The following SHE variants were observed in gnomAD, a reference collection of about 807,000 sequenced individuals.
SHE encodes SH2 domain-containing adapter protein E.
Under a neutral mutation model 49.8 loss-of-function variants are expected in SHE, and 11 were observed. That is an observed-to-expected ratio of 0.22 (90% CI 0.14 to 0.37). SHE has a LOEUF of 0.37. Ranked by LOEUF, SHE falls within the 10% of genes least tolerant of loss-of-function variation. SHE has a pLI of 1.00. For missense variants in SHE, 624 were observed against 655.5 expected, an observed-to-expected ratio of 0.95 and a Z score of 0.52; for synonymous variants, 310 against 278.1, an observed-to-expected ratio of 1.11 and a Z score of -1.14.
At chr1:154,488,249 C>T (rs1464357436) in intron 3 of SHE, among the ~76,000 whole-genome samples, 2 of 151,318 alleles carry the variant, frequency 1.3e-5, no homozygotes. Context: ...CATAGTTATA[C>T]TTTTGTATAA....
At chr1:154,475,659 G>A (rs1182265210), downstream of SHE, among the ~76,000 whole-genome samples, 2 of 152,150 alleles carry the variant, frequency 1.3e-5, no homozygotes, top group Admixed American at 6.5e-5. Context: ...ATATTATACT[G>A]CCTATGAAAA....
intron 1 of SHE, among the ~76,000 whole-genome samples, chr1:154,500,100 G>A (rs1258258031): frequency 1.3e-5 from 2 of 152,166 alleles, no homozygotes; most frequent in African/African-American, 2.4e-5. Context: ...GAGGAGAAGC[G>A]AAGAGGAGGA....
At chr1:154,495,861 TG>T (rs1410547819) in intron 2 of SHE, among the ~76,000 whole-genome samples, 3 of 152,112 alleles carry the variant, frequency 2.0e-5, no homozygotes, top group African/African-American at 7.2e-5. Flanking sequence ...AAAAAGGCAA[TG>T]CAAAGAATGG....
chr1:154,481,502 C>T lies in SHE; in HGVS notation c.*2647G>A. On this transcript the variant is annotated 3_prime_UTR_variant, in exon 6 of 6. Coordinates refer to ENST00000304760, the MANE Select transcript of SHE (RefSeq NM_001010846.3). ...CTCAATAAATACTTAATGTATCTGG[C>T]CTGTTTTCAAGATGTTATTTCATTA... is the stretch of plus-strand genomic sequence containing the variant. The T allele has an allele frequency of 2.0e-6, 2 of 985,338 alleles. No individual in the cohort carries two copies. The highest frequency in any genetic ancestry group is 1.7e-5 in the African/African-American group (1 of 57,314). The allele number at this position is 985,338 out of a possible 1,614,324, so 61.0% of individuals were successfully genotyped here.
At chr1:154,486,427 T>C in intron 4 of SHE, 100 bp downstream of exon 4, 1 of 1,484,330 alleles carries the variant, frequency 6.7e-7, no homozygotes, top group Non-Finnish European at 9.1e-7. Context: ...AAGTGTTCAT[T>C]AACAAAAATA....
chr1:154,502,135 G>A lies in SHE; in HGVS notation c.-109C>T. ...CGGCAGGGTGGGGTTCTCACGGCTC[G>A]GGGCGCCGAGCGGGCGGGCGCTAGC... is the stretch of plus-strand genomic sequence containing the variant. On this transcript the variant is annotated 5_prime_UTR_variant, in exon 1 of 6. Transcript: ENST00000304760. The A allele has an allele frequency of 1.1e-6, 1 of 915,546 alleles. No homozygotes were observed. The highest frequency in any genetic ancestry group is 1.4e-6 in the Non-Finnish European group (1 of 713,168). The allele number at this position is 915,546 out of a possible 1,614,324, so 56.7% of individuals were successfully genotyped here. A position where few individuals can be genotyped will look rare whatever the true frequency, so the allele number is the denominator to read the frequency against.
chr1:154,478,371 G>A (rs1691934702), downstream of SHE, among the ~76,000 whole-genome samples: 1 of 123,486 alleles, frequency 8.1e-6, no homozygotes, highest in Admixed American at 9.8e-5. Flanking sequence ...GTGCAGCGAA[G>A]AAAATGAACA....
rs1290554172 is a variant in SHE at position 154,501,638 on chromosome 1, G to A, written c.389C>T (p.Pro130Leu). Residue 130 changes from proline (P) to leucine (L), a missense_variant, in exon 1 of 6, where the codon CCC becomes CTC. Physicochemically the swap from Pro to Leu is moderately conservative, Grantham distance 98. Around this residue, in one of 4 missense-constraint regions of SHE, gnomAD observed 337 missense variants for 306.0 expected, o/e 1.10. Coordinates refer to ENST00000304760, the MANE Select transcript of SHE (RefSeq NM_001010846.3). ...RKNSRATEEE[P>L]HRGATKSSGC... ...CGAGCTCTTGGTTGCACCCCGGTGG[G>A]GCTCCTCCTCCGTGGCCCGGGAGTT... 2 of 1,614,130 alleles carry A rather than the reference G, an allele frequency of 1.2e-6. No individual in the cohort carries two copies. Among genetic ancestry groups the A allele is most frequent in the Non-Finnish European group, 1.7e-6 (2 of 1,180,018 alleles).
rs372734094 is a variant in SHE, at chr1:154,495,238, G to A, written c.718+3874C>T. ...TCCGATGCTAATGTTTCAAAGCGGT[G>A]GCTAAAACTCCTAATGCTAGATTAT... On this transcript the variant is annotated intron_variant, in intron 2 of 5. Coordinates refer to ENST00000304760, the MANE Select transcript of SHE (RefSeq NM_001010846.3). Among the ~76,000 whole-genome samples the A allele has an allele frequency of 1.0e-3, 154 of 152,222 alleles. 1 individual carries two copies. Among genetic ancestry groups the A allele is most frequent in the South Asian group, 8.3e-3 (40 of 4,824 alleles).
At chr1:154,498,505 C>T (rs1692609473) in intron 2 of SHE, among the ~76,000 whole-genome samples, 1 of 151,460 alleles carries the variant, frequency 6.6e-6, no homozygotes, top group Admixed American at 6.6e-5. Context: ...TCAAGTGATT[C>T]TCGTGCCTCA....
intron 2 of SHE, among the ~76,000 whole-genome samples, chr1:154,493,840 C>A (rs941461176): frequency 5.3e-5 from 8 of 152,128 alleles, no homozygotes; most frequent in African/African-American, 1.9e-4. Flanking sequence ...TAGGTATACA[C>A]CTGCTAGGTG....
At position 154,482,461 on chromosome 1, in the gene SHE, T is replaced by C. The variant is rs551000315; in HGVS notation, c.*1688A>G. On this transcript the variant is annotated 3_prime_UTR_variant, in exon 6 of 6. Transcript: ENST00000304760. ...CTAACCTCTAAATCTTACAGTCAAA[T>C]GTAACTAGTAACTACAAAGGTATAC... is the stretch of plus-strand genomic sequence containing the variant. The C allele has an allele frequency of 4.5e-4, 444 of 985,370 alleles. 6 individuals carry two copies. The South Asian group carries it at 0.019, about 41-fold the overall frequency. 61.0% of individuals were successfully genotyped at this position (985,370 alleles called of 1,614,324 possible).
In SHE at chr1:154,486,654, A is replaced by G. The variant is rs2149292114; in HGVS notation, c.1054T>C (p.Phe352Leu). 6.2e-7 allele frequency: 1 copy of G among 1,614,182 alleles called. No homozygotes were observed. The highest frequency in any genetic ancestry group is 1.1e-5 in the South Asian group (1 of 91,080). Residue 352 changes from phenylalanine to leucine, a missense_variant, in exon 4 of 6, where the codon TTC (phenylalanine) becomes CTC (leucine). This residue lies in a region of SHE where 125 missense variants were observed against 181.7 expected (regional missense o/e 0.69). Coordinates refer to ENST00000304760, the MANE Select transcript of SHE (RefSeq NM_001010846.3). ...TGCTGCCTCACTGTCTCCTCCCTGA[A>G]GGAAGGTCGCTCAGCTCCTTCAAAC... ...VQFEGAERPS[F>L]REETVRQHHR...
downstream of SHE, among the ~76,000 whole-genome samples, chr1:154,478,308 C>T (rs149031465): frequency 2.2e-3 from 333 of 152,084 alleles, 2 homozygotes; most frequent in African/African-American, 7.0e-3. Flanking sequence ...CACAAGGCCA[C>T]TGTGGAGCGA....
Position 154,482,329 on chromosome 1 carries a change from T to A in SHE, c.*1820A>T. On this transcript the variant is annotated 3_prime_UTR_variant, in exon 6 of 6. Transcript: ENST00000304760. ...GCACCCAGCCTACATTCTTTATTAA[T>A]AAAATCATTGTGTTCCAGTGAGGAA... The A allele has an allele frequency of 1.0e-6, 1 of 985,318 alleles. No homozygotes were observed. Among genetic ancestry groups the A allele is most frequent in the Non-Finnish European group, 1.2e-6 (1 of 829,886 alleles). The allele number at this position is 985,318 out of a possible 1,614,324, so 61.0% of individuals were successfully genotyped here. A position where few individuals can be genotyped will look rare whatever the true frequency, so the allele number is the denominator to read the frequency against.
chr1:154,486,230 G>A lies in SHE; in HGVS notation c.1182-168C>T, dbSNP rs185837980. Among the ~76,000 whole-genome samples the A allele has an allele frequency of 2.0e-5, 3 of 152,306 alleles. No individual in the cohort carries two copies. The East Asian group carries it at 5.8e-4, about 29-fold the overall frequency. ...GAACAGACAAAATGCAGATCTGGGT[G>A]ATCCCAGATCACAAAGCCTATCAAT... On this transcript the variant is annotated intron_variant, in intron 4 of 5. Transcript: ENST00000304760.
Position 154,501,797 on chromosome 1 carries a change from C to A in SHE, c.230G>T (p.Gly77Val). 1 of 1,556,112 alleles carries A rather than the reference C, an allele frequency of 6.4e-7. No homozygotes were observed. Among genetic ancestry groups the A allele is most frequent in the Non-Finnish European group, 8.6e-7 (1 of 1,158,370 alleles). Residue 77 changes from glycine to valine, a missense_variant, in exon 1 of 6, where the codon GGT becomes GTT. Gly to Val is a moderately radical substitution (Grantham distance 109). Coordinates refer to ENST00000304760, the MANE Select transcript of SHE (RefSeq NM_001010846.3). ...KNSEAGGAGP[G>V]PGKGRKNSAA... ...CGAGTTCTTGCGGCCCTTGCCAGGA[C>A]CCGGCCCAGCGCCGCCCGCCTCCGA... is the stretch of plus-strand genomic sequence containing the variant.
intron 1 of SHE, among the ~76,000 whole-genome samples, chr1:154,473,492 G>A (rs930202164): frequency 2.0e-5 from 3 of 151,312 alleles, no homozygotes; most frequent in East Asian, 2.0e-4. Flanking sequence ...GACAGGGGTC[G>A]AAGGGGAAGA....
At position 154,501,955 on chromosome 1, in the gene SHE, G is replaced by T; in HGVS notation, c.72C>A (p.Ala24=). 6.9e-7 allele frequency: 1 copy of T among 1,440,918 alleles called. No individual in the cohort carries two copies. Among genetic ancestry groups the T allele is most frequent in the East Asian group, 2.8e-5 (1 of 36,166 alleles). The allele number at this position is 1,440,918 out of a possible 1,614,324, so 89.3% of individuals were successfully genotyped here. Residue 24 remains alanine (A), a synonymous_variant, in exon 1 of 6, where the codon GCC becomes GCA. Transcript: ENST00000304760. ...GWASSLACST[A]PTLLGRAGRG... is the part of the protein sequence containing the mutation. ...GGCCGGCTCGGCCCAGGAGCGTCGG[G>T]GCCGTGGAGCAGGCGAGCGAGGAAG...
Sources: allele counts gnomAD v4.1 joint callset (sites outside exome capture counted in the v4.1 genomes callset), GRCh38; gene constraint gnomAD v4.1.1; regional missense constraint gnomAD v4.1.1; transcripts MANE v1.5; gene names NCBI Gene and HGNC (gene_info 2026-07-23, HGNC 2026-07-21).